The following RAD51D variants were observed in gnomAD, a reference collection of about 807,000 sequenced individuals.
RAD51D encodes DNA repair protein RAD51 homolog 4.
RAD51D carries 38 observed loss-of-function variants against 44.1 expected under a neutral mutation model. The ratio of observed to expected loss-of-function variants is 0.86; its 90% CI spans 0.67 to 1.13. RAD51D has a LOEUF of 1.13. Ranked by LOEUF, RAD51D falls within the 50% of genes most tolerant of loss-of-function variation. The pLI, the probability that RAD51D is intolerant of heterozygous loss-of-function variation, is 0.00. For missense variants in RAD51D, 390 were observed against 414.0 expected (o/e 0.94, Z 0.50); for synonymous variants, 141 against 166.6 (o/e 0.85, Z 1.18).
intron 1 of RAD51D, 174 bp downstream of exon 1, chr17:35,119,358 G>T: frequency 1.1e-6 from 1 of 924,646 alleles, no homozygotes; most frequent in Non-Finnish European, 1.7e-6. Flanking sequence ...TCTCTACCCT[G>T]TTTTAGAGCT....
Position 35,107,452 on chromosome 17 carries a change from T to C in RAD51D, c.264-5A>G, listed in dbSNP as rs1169894160. 1 of 1,534,830 alleles carries C rather than the reference T, an allele frequency of 6.5e-7. No individual in the cohort carries two copies. ...GCATCAAGCAGTTTATCAAGACTGA[T>C]GGCAGAAGAGAAGAAAATCAACACA... On this transcript the variant is annotated splice_polypyrimidine_tract_variant and splice_region_variant and intron_variant, in intron 3 of 9. Transcript: ENST00000345365.
intron 4 of RAD51D, 27 bp downstream of exon 4, chr17:35,107,339 C>G (rs1723979635): frequency 3.9e-6 from 6 of 1,529,264 alleles, no homozygotes; most frequent in Non-Finnish European, 5.4e-6. Flanking sequence ...ACCCCTAAAT[C>G]CTCCTGACTG....
In RAD51D at chr17:35,119,534, G is replaced by T. The variant is rs139642328; in HGVS notation, c.80C>A (p.Thr27Lys). ...IQLLRSHRIK[T>K]VVDLVSADLE... ...CTGGCACGCGCACACCCGGTCACCT[G>T]TCTTGATCCTGTGGCTCCTGAGAAG... Residue 27 changes from threonine to lysine, a missense_variant and splice_region_variant, in exon 1 of 10, where the codon ACA becomes AAA. Thr to Lys is a moderately conservative substitution (Grantham distance 78). Coordinates refer to ENST00000345365, the MANE Select transcript of RAD51D (RefSeq NM_002878.4). 88 of 1,611,852 alleles carry T rather than the reference G, an allele frequency of 5.5e-5. No individual in the cohort carries two copies. The East Asian group carries it at 1.9e-3, about 35-fold the overall frequency.
In RAD51D at chr17:35,100,885, G is replaced by A. The variant is rs2142408002; in HGVS notation, c.*68C>T. The A allele has an allele frequency of 7.6e-7, 1 of 1,324,048 alleles. No homozygotes were observed. The highest frequency in any genetic ancestry group is 1.2e-5 in the South Asian group (1 of 85,206). The allele number at this position is 1,324,048 out of a possible 1,614,324, so 82.0% of individuals were successfully genotyped here. On this transcript the variant is annotated 3_prime_UTR_variant, in exon 10 of 10. Transcript: ENST00000345365. ...CAGTGCCAGGTGGCAGTAAACAGCA[G>A]GCGTTACTGGGAAGAAAAGTTGGGA...
In RAD51D at chr17:35,101,358, T is replaced by C. The variant is rs2091536171; in HGVS notation, c.746A>G (p.Asn249Ser). ...RDLGMAVVVT[N>S]HITRDRDSGR... is the part of the protein sequence containing the mutation. The stretch of plus-strand genomic sequence containing the variant: ...GCTGTCCCTGTCTCGAGTTATGTGG[T>C]TGGTCACCTGCAGCAGAAACAGACT... Residue 249 changes from asparagine to serine, a missense_variant, in exon 9 of 10, where the codon AAC becomes AGC. Transcript: ENST00000345365. 1 of 1,613,724 alleles carries C rather than the reference T, an allele frequency of 6.2e-7. No homozygotes were observed. Among genetic ancestry groups the C allele is most frequent in the Non-Finnish European group, 8.5e-7 (1 of 1,179,998 alleles).
At chr17:35,115,342 G>T (rs1182360137) in intron 3 of RAD51D, 1 of 506,924 alleles carries the variant, frequency 2.0e-6, no homozygotes, top group Non-Finnish European at 3.9e-6. Context: ...CCTAGCTCTG[G>T]CCTATAAGGA....
rs1312421615 is a variant in RAD51D, at chr17:35,118,507, A to G, written c.257T>C (p.Ile86Thr). ...CCCAAGTACACACACAAACCTGCCAATGCCAGTGGACAGGATGGCAGTGGA... is the reference window on the plus strand; with the variant it reads ...CCCAAGTACACACACAAACCTGCCAGTGCCAGTGGACAGGATGGCAGTGGA... Reference protein sequence around the residue: ...KTSTAILSTGIGSLDKLLDAG... With the variant: ...KTSTAILSTGTGSLDKLLDAG... Residue 86 changes from isoleucine (I) to threonine (T), a missense_variant, in exon 3 of 10, where the codon ATT (isoleucine) becomes ACT (threonine). Coordinates refer to ENST00000345365, the MANE Select transcript of RAD51D (RefSeq NM_002878.4). 1.2e-6 allele frequency: 2 copies of G among 1,613,102 alleles called. No individual in the cohort carries two copies. The highest frequency in any genetic ancestry group is 2.2e-5 in the South Asian group (2 of 91,052).
chr17:35,119,754 A>T lies in RAD51D; in HGVS notation c.-141T>A, dbSNP rs1421946926. ...GCTGCCGGAGGAGAAAGGAGAGAGG[A>T]GGAGGCGGCACCAAGGGTAGGGCTG... is the stretch of plus-strand genomic sequence containing the variant. On this transcript the variant is annotated 5_prime_UTR_variant, in exon 1 of 10. Transcript: ENST00000345365. The T allele has an allele frequency of 2.4e-6, 2 of 837,658 alleles. No homozygotes were observed. The highest frequency in any genetic ancestry group is 3.9e-6 in the Non-Finnish European group (2 of 508,126). The allele number at this position is 837,658 out of a possible 1,614,324, so 51.9% of individuals were successfully genotyped here.
rs368209468 is a variant in RAD51D at position 35,101,225 on chromosome 17, C to A, written c.879G>T (p.Ala293=). Residue 293 remains alanine, a synonymous_variant, in exon 9 of 10, where the codon GCG becomes GCT. Transcript: ENST00000345365. ...CCTGTCGGGAAGATTTGGCCAGACA[C>A]GCCATGCGCCGGCCGCCTGATGCTC... ...GAGASGGRRM[A]CLAKSSRQPT... is the part of the protein sequence containing the mutation. 7 of 1,614,016 alleles carry A rather than the reference C, an allele frequency of 4.3e-6. No homozygotes were observed. The African/African-American group carries it at 8.0e-5, about 18-fold the overall frequency.
Position 35,098,290 on chromosome 17 carries a change from A to G in RAD51D, c.*2663T>C, listed in dbSNP as rs2091501073. 6.6e-6 allele frequency: 1 copy of G among 152,072 alleles called. No homozygotes were observed. The highest frequency in any genetic ancestry group is 1.5e-5 in the Non-Finnish European group (1 of 68,034). The allele number at this position is 152,072 out of a possible 1,614,324, so 9.4% of individuals were successfully genotyped here. A position where few individuals can be genotyped will look rare whatever the true frequency, so the allele number is the denominator to read the frequency against. ...GTCTCTGTTGCCCAGGCTGGAGTGC[A>G]GTGGCATGATCGCAGGTCATTGCAA... On this transcript the variant is annotated 3_prime_UTR_variant, in exon 10 of 10. Transcript: ENST00000345365.
intron 3 of RAD51D, among the ~76,000 whole-genome samples, chr17:35,110,448 C>A (rs1292771083): frequency 6.6e-6 from 1 of 152,110 alleles, no homozygotes; most frequent in East Asian, 1.9e-4. Context: ...CCCCATTAAT[C>A]AAAAATTTTT....
chr17:35,113,671 A>G (rs1472494066), intron 3 of RAD51D: 1 of 315,726 alleles, frequency 3.2e-6, no homozygotes, highest in East Asian at 1.1e-4. Flanking sequence ...TCTTGAGATA[A>G]TTGTGCTCAC....
At position 35,097,103 on chromosome 17, in the gene RAD51D, CAAT is replaced by C. The variant is rs1260463514; in HGVS notation, c.*3847_*3849del. On this transcript the variant is annotated 3_prime_UTR_variant, in exon 10 of 10. Transcript: ENST00000345365. ...TATGTAAGAAGACACTCTGGGGACT[CAAT>C]GATGTGGGTGTGAACATATATATAT... 4.0e-5 allele frequency: 6 copies of C among 151,014 alleles called. No individual in the cohort carries two copies. The highest frequency in any genetic ancestry group is 2.1e-4 in the South Asian group (1 of 4,738). The allele number at this position is 151,014 out of a possible 1,614,324, so 9.4% of individuals were successfully genotyped here.
Position 35,100,943 on chromosome 17 carries a change from A to T in RAD51D, c.*10T>A, listed in dbSNP as rs759502122. 9.3e-6 allele frequency: 15 copies of T among 1,608,550 alleles called. No individual in the cohort carries two copies. The highest frequency in any genetic ancestry group is 1.7e-4 in the Middle Eastern group (1 of 5,994). On this transcript the variant is annotated 3_prime_UTR_variant, in exon 10 of 10. Transcript: ENST00000345365. ...CCAATGCTTCCCTGTTTCCCAAACA[A>T]CAGCACAGGTCATGTCTGATCACCC...
intron 3 of RAD51D, among the ~76,000 whole-genome samples, chr17:35,110,823 C>G (rs1249163206): frequency 1.3e-5 from 2 of 152,060 alleles, no homozygotes; most frequent in Admixed American, 1.3e-4. Flanking sequence ...AAAATACAAA[C>G]AGGCTGGGCG....
intron 8 of RAD51D, among the ~76,000 whole-genome samples, chr17:35,101,910 G>A (rs1455963289): frequency 6.6e-6 from 1 of 152,170 alleles, no homozygotes; most frequent in Non-Finnish European, 1.5e-5. Flanking sequence ...GGGAAAATGA[G>A]TTATTTTTAA....
chr17:35,108,144 C>A (rs949463168), intron 3 of RAD51D, among the ~76,000 whole-genome samples: 1 of 151,416 alleles, frequency 6.6e-6, no homozygotes, highest in African/African-American at 2.4e-5. Context: ...ACTCAGGAGG[C>A]TGAGGCAGGA....
chr17:35,107,293 C>T lies in RAD51D; in HGVS notation c.345+73G>A, dbSNP rs1360077862. ...CTGAACCCATTAGTACGCTGAAGCT[C>T]CCCCAGGGACCCTGGGCTATGCATC... On this transcript the variant is annotated intron_variant, in intron 4 of 9. Coordinates refer to ENST00000345365, the MANE Select transcript of RAD51D (RefSeq NM_002878.4). 9 of 1,462,798 alleles carry T rather than the reference C, an allele frequency of 6.2e-6. No individual in the cohort carries two copies. The Admixed American group carries it at 1.0e-4, about 16-fold the overall frequency. The allele number at this position is 1,462,798 out of a possible 1,614,324, so 90.6% of individuals were successfully genotyped here.
chr17:35,107,264 G>A, intron 4 of RAD51D, 102 bp downstream of exon 4: 2 of 1,452,710 alleles, frequency 1.4e-6, no homozygotes, highest in Admixed American at 1.7e-5. Context: ...CTCTCTGTTG[G>A]GCTCTGAACC....
Sources: gnomAD v4.1 joint callset for allele counts (sites outside exome capture counted in the v4.1 genomes callset) on GRCh38, gnomAD v4.1.1 for gene constraint, MANE v1.5 for transcripts, NCBI Gene and HGNC (gene_info 2026-07-23, HGNC 2026-07-21) for gene names.